VAMP7: variants seen among roughly 807,000 people sequenced by gnomAD.
VAMP7 encodes the protein vesicle-associated membrane protein 7.
A neutral mutation model predicts 29.6 loss-of-function variants in VAMP7; 14 were observed. That is an observed-to-expected ratio of 0.47 (90% CI 0.31 to 0.74). VAMP7 has a LOEUF of 0.74. VAMP7 is among the 30% of genes least tolerant of loss of function. VAMP7 has a pLI of 0.05. For missense variants in VAMP7, 223 were observed against 262.4 expected (o/e 0.85, Z 1.04); for synonymous variants, 95 against 88.1 (o/e 1.08, Z -0.44).
intron 5 of VAMP7, among the ~76,000 whole-genome samples, chrX:155,902,916 A>G (rs1049905445): frequency 8.6e-5 from 13 of 151,324 alleles, no homozygotes; most frequent in Admixed American, 5.3e-4. Flanking sequence ...CTCTTTTTCT[A>G]TTGATTGGAA....
chrX:155,916,850 C>T (rs1308364795), intron 5 of VAMP7, among the ~76,000 whole-genome samples: 4 of 152,054 alleles, frequency 2.6e-5, no homozygotes, highest in South Asian at 2.1e-4. Flanking sequence ...TTGCTCTTCT[C>T]GAGGAGTATC....
chrX:155,917,451 AC>A (rs1206187834), intron 5 of VAMP7, among the ~76,000 whole-genome samples: 19 of 152,058 alleles, frequency 1.2e-4, no homozygotes, highest in African/African-American at 4.6e-4. Context: ...GGATTTATCT[AC>A]CTTTGGTCTT....
intron 6 of VAMP7, among the ~76,000 whole-genome samples, chrX:155,925,750 A>G (rs1051118094): frequency 8.5e-5 from 13 of 152,180 alleles, no homozygotes; most frequent in Admixed American, 5.9e-4. Context: ...GGAGGCAATC[A>G]GATACGCATT....
intron 6 of VAMP7, among the ~76,000 whole-genome samples, chrX:155,931,009 C>A (rs1237996401): frequency 6.6e-6 from 1 of 152,110 alleles, no homozygotes; most frequent in African/African-American, 2.4e-5. Flanking sequence ...TGGTTTCCAG[C>A]TTCATCCATG....
Position 155,939,791 on chromosome X carries a change from A to G in VAMP7, c.592A>G (p.Ile198Val), listed in dbSNP as rs1419558765. 9.3e-6 allele frequency: 15 copies of G among 1,612,456 alleles called. No homozygotes were observed. The highest frequency in any genetic ancestry group is 1.3e-5 in the African/African-American group (1 of 74,992). The change falls in exon 7 of 8, where the codon ATT becomes GTT. Residue 198 changes from isoleucine to valine, a missense_variant and splice_region_variant. By Grantham distance (29) the Ile-to-Val change is conservative (BLOSUM62 3). Coordinates refer to ENST00000286448, the MANE Select transcript of VAMP7 (RefSeq NM_005638.6). Reference sequence around the variant, plus strand: ...CACTATTATCATCATCATCGTATCAATTGTAAGTTTTTGTCCTTTTAGTGT... The same window carrying G: ...CACTATTATCATCATCATCGTATCAGTTGTAAGTTTTTGTCCTTTTAGTGT... ...KLTIIIIIVSIVFIYIIVSPL... is the reference protein window; with the variant it reads ...KLTIIIIIVSVVFIYIIVSPL...
chrX:155,893,471 G>A, intron 2 of VAMP7, among the ~76,000 whole-genome samples: 1 of 152,186 alleles, frequency 6.6e-6, no homozygotes, highest in Middle Eastern at 3.2e-3. Flanking sequence ...AAGGGACTAT[G>A]ATATAAACCA....
intron 5 of VAMP7, among the ~76,000 whole-genome samples, chrX:155,919,491 G>A (rs1466387312): frequency 6.6e-6 from 1 of 152,110 alleles, no homozygotes. Context: ...GTTGGGCAGG[G>A]CACTTAGACT....
intron 2 of VAMP7, among the ~76,000 whole-genome samples, chrX:155,890,431 G>T (rs2065913761): frequency 6.6e-6 from 1 of 152,072 alleles, no homozygotes; most frequent in South Asian, 2.1e-4. Context: ...TGCGATCTTG[G>T]CTCACTGCAA....
At chrX:155,903,704 C>G (rs948191743) in intron 5 of VAMP7, among the ~76,000 whole-genome samples, 4 of 152,136 alleles carry the variant, frequency 2.6e-5, no homozygotes, top group Admixed American at 2.6e-4. Flanking sequence ...AGTCAGGAAA[C>G]AACAGTTACT....
chrX:155,938,912 A>G (rs2066702120), intron 6 of VAMP7, among the ~76,000 whole-genome samples: 1 of 152,206 alleles, frequency 6.6e-6, no homozygotes, highest in Non-Finnish European at 1.5e-5. Flanking sequence ...AATTGTATAA[A>G]TGTAGTAGTA....
chrX:155,916,403 G>T (rs1025404082), intron 5 of VAMP7, among the ~76,000 whole-genome samples: 1 of 152,156 alleles, frequency 6.6e-6, no homozygotes, highest in Admixed American at 6.5e-5. Context: ...TGATTATAAT[G>T]CTAGTTGGTT....
chrX:155,922,307 T>C (rs1279299536), intron 6 of VAMP7, among the ~76,000 whole-genome samples: 2 of 151,980 alleles, frequency 1.3e-5, no homozygotes, highest in East Asian at 3.9e-4. Flanking sequence ...TTGACCATCT[T>C]GTGGGGAAAA....
At chrX:155,913,845 T>G (rs1204789529) in intron 5 of VAMP7, among the ~76,000 whole-genome samples, 1 of 152,178 alleles carries the variant, frequency 6.6e-6, no homozygotes, top group East Asian at 1.9e-4. Context: ...AGGATTGTCT[T>G]GGCTATGTGG....
At chrX:155,924,735 A>G (rs931961761) in intron 6 of VAMP7, among the ~76,000 whole-genome samples, 1 of 152,152 alleles carries the variant, frequency 6.6e-6, no homozygotes, top group African/African-American at 2.4e-5. Flanking sequence ...GGCTGTGGCA[A>G]TTTCTTAAAA....
At chrX:155,929,802 C>G (rs962599113) in intron 6 of VAMP7, among the ~76,000 whole-genome samples, 1 of 152,114 alleles carries the variant, frequency 6.6e-6, no homozygotes, top group Non-Finnish European at 1.5e-5. Flanking sequence ...CATCCACTCA[C>G]GCTGGAGCCA....
chrX:155,908,978 C>T (rs1026644070), intron 5 of VAMP7, among the ~76,000 whole-genome samples: 6 of 152,008 alleles, frequency 3.9e-5, no homozygotes, highest in Admixed American at 3.9e-4. Flanking sequence ...TGCCACCACA[C>T]CTGGCTAATT....
At chrX:155,916,475 T>C (rs1336643870) in intron 5 of VAMP7, among the ~76,000 whole-genome samples, 7 of 152,170 alleles carry the variant, frequency 4.6e-5, no homozygotes, top group African/African-American at 1.7e-4. Context: ...GTTTGATATG[T>C]TTTTGCAGTG....
In VAMP7 at chrX:155,942,023, C is replaced by T; in HGVS notation, c.*72C>T. 6.2e-7 allele frequency: 1 copy of T among 1,612,398 alleles called. No individual in the cohort carries two copies. The highest frequency in any genetic ancestry group is 2.2e-5 in the East Asian group (1 of 44,814). On this transcript the variant is annotated 3_prime_UTR_variant, in exon 8 of 8. Transcript: ENST00000286448. ...TAAAAGCAATCCATGTGACTCAAGC[C>T]TTTCACATACTGACAGATGGTATCT...
At chrX:155,930,979 C>T (rs1476833926) in intron 6 of VAMP7, among the ~76,000 whole-genome samples, 2 of 151,984 alleles carry the variant, frequency 1.3e-5, no homozygotes, top group South Asian at 2.1e-4. Context: ...TTTGTCCTTG[C>T]AGTAGTTTGC....
Sources: gnomAD v4.1 joint callset for allele counts (sites outside exome capture counted in the v4.1 genomes callset) on GRCh38, gnomAD v4.1.1 for gene constraint, MANE v1.5 for transcripts, NCBI Gene and HGNC (gene_info 2026-07-23, HGNC 2026-07-21) for gene names.